Variants in GRIK1 observed in about 807,000 individuals in gnomAD.
The protein encoded by GRIK1 is glutamate receptor ionotropic, kainate 1.
GRIK1 carries 69 observed loss-of-function variants against 105.7 expected under a neutral mutation model. That is an observed-to-expected ratio of 0.65 (90% confidence interval 0.54 to 0.80). The LOEUF (loss-of-function observed/expected upper bound fraction) is 0.80. Ranked by LOEUF, GRIK1 falls within the 30% of genes least tolerant of loss-of-function variation. The pLI, the probability that GRIK1 is intolerant of heterozygous loss-of-function variation, is 0.00. For synonymous variants in GRIK1, 438 were observed against 431.3 expected, an observed-to-expected ratio of 1.02 and a Z score of -0.19; for missense variants, 1,109 against 1,167.3, an observed-to-expected ratio of 0.95 and a Z score of 0.73.
At chr21:29,932,916 G>A (rs778775074) in intron 1 of GRIK1, among the ~76,000 whole-genome samples, 17 of 150,602 alleles carry the variant, frequency 1.1e-4, no homozygotes, top group Non-Finnish European at 2.1e-4. Flanking sequence ...AGCAAGTCTA[G>A]TGTAAAAAAA....
chr21:29,567,136 G>GA (rs548816472), intron 14 of GRIK1, among the ~76,000 whole-genome samples: 81 of 152,190 alleles, frequency 5.3e-4, no homozygotes, highest in African/African-American at 1.9e-3. Flanking sequence ...TTAGAACCTG[G>GA]AAAAAATGTG....
intron 1 of GRIK1, among the ~76,000 whole-genome samples, chr21:29,749,663 G>C (rs1048538223): frequency 6.6e-6 from 1 of 152,174 alleles, no homozygotes; most frequent in Non-Finnish European, 1.5e-5. Flanking sequence ...GCATTTGACC[G>C]AGGATTATTT....
intron 7 of GRIK1, among the ~76,000 whole-genome samples, chr21:29,639,086 C>G (rs2062455992): frequency 6.6e-6 from 1 of 152,162 alleles, no homozygotes; most frequent in Admixed American, 6.5e-5. Flanking sequence ...ACCTATGGCC[C>G]TGGTGGACAG....
chr21:29,905,771 C>A (rs1208141737), intron 1 of GRIK1, among the ~76,000 whole-genome samples: 2 of 149,226 alleles, frequency 1.3e-5, no homozygotes, highest in East Asian at 2.0e-4. Context: ...GGACTACAGG[C>A]GCCCGCCACT....
At chr21:29,739,810 C>T (rs1360419580) in intron 1 of GRIK1, among the ~76,000 whole-genome samples, 1 of 152,032 alleles carries the variant, frequency 6.6e-6, no homozygotes. Flanking sequence ...ATTTGATTTC[C>T]ACCAACATCC....
At chr21:29,762,726 G>A (rs1351691267) in intron 1 of GRIK1, among the ~76,000 whole-genome samples, 2 of 152,282 alleles carry the variant, frequency 1.3e-5, no homozygotes, top group East Asian at 3.9e-4. Flanking sequence ...CAAATTGGGA[G>A]CCTCTACAAA....
At position 29,827,836 on chromosome 21, in the gene GRIK1, G is replaced by A. The variant is rs116695045; in HGVS notation, c.118+111547C>T. Among the ~76,000 whole-genome samples the A allele has an allele frequency of 7.7e-3, 1,167 of 152,198 alleles. 16 individuals carry two copies. Among genetic ancestry groups the A allele is most frequent in the African/African-American group, 0.027 (1,121 of 41,540 alleles). ...TGCTTACTATTCTCAATTTGGGCTA[G>A]GTTCTGCTGGATGGTTCTTCTGCTG... On this transcript the variant is annotated intron_variant, in intron 1 of 17. Transcript: ENST00000327783.
chr21:29,782,512 C>T (rs1032996779), intron 1 of GRIK1, among the ~76,000 whole-genome samples: 4 of 152,164 alleles, frequency 2.6e-5, no homozygotes, highest in African/African-American at 7.2e-5. Flanking sequence ...GTCAGCACCC[C>T]CAAGATGGAG....
intron 1 of GRIK1, among the ~76,000 whole-genome samples, chr21:29,712,079 T>TACACACACAC (rs1340092106): frequency 4.9e-4 from 15 of 30,346 alleles, no homozygotes; most frequent in Non-Finnish European, 1.2e-3. Flanking sequence ...TATGTATACA[T>TACACACACAC]ACATACACAC....
At chr21:29,894,600 C>G (rs1569197513) in intron 1 of GRIK1, among the ~76,000 whole-genome samples, 1 of 152,032 alleles carries the variant, frequency 6.6e-6, no homozygotes, top group African/African-American at 2.4e-5. Context: ...TTGGCGACAC[C>G]CACACAGACA....
rs746657599 is a variant in GRIK1, at chr21:29,654,863, T to A, written c.727A>T (p.Ile243Phe). 1.3e-6 allele frequency: 2 copies of A among 1,564,554 alleles called. No individual in the cohort carries two copies. The highest frequency in any genetic ancestry group is 2.2e-5 in the South Asian group (2 of 90,046). Residue 243 changes from isoleucine to phenylalanine, a missense_variant and splice_region_variant, in exon 5 of 18, where the codon ATT becomes TTT. Physicochemically the swap from Ile to Phe is conservative, Grantham distance 21 (BLOSUM62 0). Around this residue, in one of 5 missense-constraint regions of GRIK1, gnomAD observed 612 missense variants for 586.0 expected, o/e 1.04. Coordinates refer to ENST00000327783, the MANE Select transcript of GRIK1 (RefSeq NM_001330994.2). ...TCGGTCATCATGCCCATGAACAGAA[T>A]CTGCAAAAGAGAAATAAGGGGAAAG... is the stretch of plus-strand genomic sequence containing the variant. ...HETAAEILKQILFMGMMTEYY... is the reference protein window; with the variant it reads ...HETAAEILKQFLFMGMMTEYY...
At chr21:29,935,291 G>A (rs910080016) in intron 1 of GRIK1, among the ~76,000 whole-genome samples, 3 of 152,188 alleles carry the variant, frequency 2.0e-5, no homozygotes, top group African/African-American at 7.2e-5. Context: ...AAAAACATCA[G>A]CAGTATAGAT....
chr21:29,769,374 A>G (rs1050385033), intron 1 of GRIK1, among the ~76,000 whole-genome samples: 3 of 152,194 alleles, frequency 2.0e-5, no homozygotes, highest in African/African-American at 7.2e-5. Flanking sequence ...CTACAACTGC[A>G]GTCCCCAACC....
intron 1 of GRIK1, among the ~76,000 whole-genome samples, chr21:29,886,111 A>C (rs887240595): frequency 1.3e-5 from 2 of 152,136 alleles, no homozygotes; most frequent in African/African-American, 4.8e-5. Flanking sequence ...TTTCCTCCCA[A>C]ATGACACAAG....
intron 1 of GRIK1, among the ~76,000 whole-genome samples, chr21:29,782,944 G>A (rs971678247): frequency 1.3e-4 from 20 of 152,034 alleles, no homozygotes; most frequent in African/African-American, 4.1e-4. Context: ...GTGTAAAATC[G>A]TAGGTGTGAA....
intron 15 of GRIK1, among the ~76,000 whole-genome samples, chr21:29,560,519 C>CT (rs1568815488): frequency 3.5e-5 from 2 of 57,812 alleles, no homozygotes; most frequent in Non-Finnish European, 6.1e-5. Flanking sequence ...TTCCTTCCTT[C>CT]CTTTCTTTCT....
In GRIK1 at chr21:29,689,719, G is replaced by A. The variant is rs201272755; in HGVS notation, c.544+9C>T. ...CATGGTCGGGTGAGGTCTTGTGTGA[G>A]TCCCATACCTGTGCTGTCTTCATAC... On this transcript the variant is annotated intron_variant, in intron 3 of 17. Coordinates refer to ENST00000327783, the MANE Select transcript of GRIK1 (RefSeq NM_001330994.2). 1.5e-4 allele frequency: 245 copies of A among 1,612,944 alleles called. 1 individual carries two copies. The highest frequency in any genetic ancestry group is 7.0e-5 in the Non-Finnish European group (82 of 1,179,056).
In GRIK1 at chr21:29,779,429, T is replaced by C. The variant is rs528053349; in HGVS notation, c.119-85366A>G. On this transcript the variant is annotated intron_variant, in intron 1 of 17. Coordinates refer to ENST00000327783, the MANE Select transcript of GRIK1 (RefSeq NM_001330994.2). ...GGGAGCTTATGATTTTCAGTGACAT[T>C]CAAGTTTATTTCTATTATAATTAAG... Among the ~76,000 whole-genome samples, 5 of 151,366 alleles carry C rather than the reference T, an allele frequency of 3.3e-5. No homozygotes were observed. The South Asian group carries it at 1.0e-3, about 32-fold the overall frequency.
intron 1 of GRIK1, among the ~76,000 whole-genome samples, chr21:29,719,135 G>T (rs937164113): frequency 2.4e-4 from 35 of 147,932 alleles, no homozygotes; most frequent in Admixed American, 2.3e-3. Context: ...TTTTGCCATT[G>T]AAAGTTATCT....
Sources: allele counts gnomAD v4.1 joint callset (sites outside exome capture counted in the v4.1 genomes callset), GRCh38; gene constraint gnomAD v4.1.1; regional missense constraint gnomAD v4.1.1; transcripts MANE v1.5; gene names NCBI Gene and HGNC (gene_info 2026-07-23, HGNC 2026-07-21).